Variants in KAZN observed in about 807,000 individuals in gnomAD.
KAZN encodes the protein kazrin, periplakin interacting protein, also known as kazrin.
A neutral mutation model predicts 87.4 loss-of-function variants in KAZN; 40 were observed. That is an observed-to-expected ratio of 0.46 (90% confidence interval 0.36 to 0.60). The LOEUF is 0.60. Among genes scored for constraint, KAZN ranks in the 20% least tolerant of loss-of-function variants. The probability of loss-of-function intolerance (pLI) is 0.00; values close to 1 mark genes in which losing one functional copy is unlikely to be tolerated. For synonymous variants in KAZN, 466 were observed against 458.3 expected (o/e 1.02, Z -0.22); for missense variants, 898 against 1,073.9 (o/e 0.84, Z 2.29).
At position 14,153,705 on chromosome 1, in the gene KAZN, G is replaced by T. The variant is rs979979353; in HGVS notation, c.92-26730G>T. 9.2e-5 allele frequency among the ~76,000 whole-genome samples: 14 copies of T among 151,396 alleles called. 1 individual carries two copies. Among genetic ancestry groups the T allele is most frequent in the Non-Finnish European group, 2.1e-4 (14 of 67,960 alleles). On this transcript the variant is annotated intron_variant, in intron 1 of 16. Coordinates refer to the KAZN transcript ENST00000636203. The stretch of plus-strand genomic sequence containing the variant: ...AGACGGGAGAATTGCTTGAACCTGG[G>T]AGGCGGAGGTTGCAGTGAGCTGAGA...
At chr1:14,278,190 A>AT (rs1652547094) in intron 2 of KAZN, among the ~76,000 whole-genome samples, 1 of 151,364 alleles carries the variant, frequency 6.6e-6, no homozygotes, top group African/African-American at 2.4e-5. Context: ...AAAAAAAAAA[A>AT]CAGAGATGCC....
At chr1:14,869,641 C>G (rs1305598021) in intron 1 of KAZN, among the ~76,000 whole-genome samples, 1 of 152,170 alleles carries the variant, frequency 6.6e-6, no homozygotes. Context: ...AATATTGATT[C>G]TGATTGGGTT....
intron 1 of KAZN, among the ~76,000 whole-genome samples, chr1:13,923,429 C>T (rs1362236541): frequency 5.3e-5 from 8 of 151,700 alleles, no homozygotes; most frequent in South Asian, 4.2e-4. Context: ...AAAAATTAGC[C>T]GGGCGTGGTG....
At chr1:14,784,904 G>A (rs994237933) in intron 1 of KAZN, among the ~76,000 whole-genome samples, 6 of 151,846 alleles carry the variant, frequency 4.0e-5, no homozygotes, top group Non-Finnish European at 8.8e-5. Context: ...CAGCAGCCCC[G>A]AATCGGAAAT....
At chr1:14,719,779 C>G (rs988941739) in intron 1 of KAZN, among the ~76,000 whole-genome samples, 1 of 152,088 alleles carries the variant, frequency 6.6e-6, no homozygotes, top group Non-Finnish European at 1.5e-5. Context: ...GTGGAGGTTG[C>G]GGTGAGCCAA....
chr1:13,893,046 T>A (rs1159543814), exon 1 of KAZN: 2 of 151,828 alleles, frequency 1.3e-5, no homozygotes, highest in Non-Finnish European at 1.5e-5. Flanking sequence ...CGCTCTCCCT[T>A]TGGCAGCAGC....
chr1:14,090,481 A>C (rs1339340833), intron 1 of KAZN, among the ~76,000 whole-genome samples: 1 of 151,916 alleles, frequency 6.6e-6, no homozygotes, highest in Non-Finnish European at 1.5e-5. Flanking sequence ...AGCTTGATTC[A>C]ATCTTTTTTA....
chr1:14,194,250 C>T (rs75130927), intron 2 of KAZN, among the ~76,000 whole-genome samples: 1,751 of 152,202 alleles, frequency 0.012, 34 homozygotes, highest in African/African-American at 0.04. Flanking sequence ...CAAGGCTTAC[C>T]AGCAGCTGTA....
chr1:13,951,623 GATAATAATAATAATAATA>G (rs6143132), intron 1 of KAZN, among the ~76,000 whole-genome samples: 5,492 of 148,430 alleles, frequency 0.037, 294 homozygotes, highest in African/African-American at 0.13. Flanking sequence ...CTAAAATGGA[GATAATAATAATAATAATA>G]ATAATAATAA....
chr1:14,727,697 C>T (rs1643466131), intron 1 of KAZN, among the ~76,000 whole-genome samples: 1 of 151,542 alleles, frequency 6.6e-6, no homozygotes, highest in African/African-American at 2.4e-5. Context: ...AACTCCCGAC[C>T]TGAGGTAATC....
At chr1:14,402,955 G>A (rs1182870865) in intron 2 of KAZN, among the ~76,000 whole-genome samples, 2 of 151,974 alleles carry the variant, frequency 1.3e-5, no homozygotes, top group Non-Finnish European at 2.9e-5. Flanking sequence ...AGACTCCCAA[G>A]TAACTGAAAT....
chr1:14,681,609 ATGTG>A (rs565221895), intron 1 of KAZN, among the ~76,000 whole-genome samples: 2 of 67,408 alleles, frequency 3.0e-5, no homozygotes, highest in Non-Finnish European at 5.2e-5. Context: ...ATATATGTAT[ATGTG>A]TATATATATA....
chr1:14,754,931 G>A (rs1246202325), intron 1 of KAZN, among the ~76,000 whole-genome samples: 1 of 151,896 alleles, frequency 6.6e-6, no homozygotes, highest in Non-Finnish European at 1.5e-5. Context: ...TTTCCGGATT[G>A]AAAAAATTAA....
At chr1:14,970,182 A>T (rs2101830692) in intron 2 of KAZN, among the ~76,000 whole-genome samples, 1 of 152,326 alleles carries the variant, frequency 6.6e-6, no homozygotes, top group Admixed American at 6.5e-5. Context: ...AGGTTTACAG[A>T]AAAGTTTCTA....
chr1:14,378,313 AAAAGT>A (rs59898497), intron 2 of KAZN, among the ~76,000 whole-genome samples: 40,952 of 151,460 alleles, frequency 0.27, 6,400 homozygotes, highest in Non-Finnish European at 0.37. Context: ...CCTTTAAAAG[AAAAGT>A]AAACGGGAGG....
intron 6 of KAZN, chr1:15,061,291 C>T (rs1431532441): frequency 6.6e-6 from 1 of 152,150 alleles, no homozygotes; most frequent in Non-Finnish European, 1.5e-5. Flanking sequence ...CAATCACTTT[C>T]CTATAGATGA....
At chr1:14,743,451 C>T (rs1557444733) in intron 1 of KAZN, among the ~76,000 whole-genome samples, 1 of 150,664 alleles carries the variant, frequency 6.6e-6, no homozygotes, top group South Asian at 2.1e-4. Context: ...AAAGTACATA[C>T]AATGCAGATA....
At chr1:15,100,840 C>T (rs1308079364) in intron 10 of KAZN, among the ~76,000 whole-genome samples, 1 of 152,204 alleles carries the variant, frequency 6.6e-6, no homozygotes, top group Non-Finnish European at 1.5e-5. Context: ...ATGATTAGGA[C>T]CTGCCTGGCA....
intron 2 of KAZN, among the ~76,000 whole-genome samples, chr1:14,516,163 T>C (rs996352782): frequency 6.6e-6 from 1 of 152,170 alleles, no homozygotes; most frequent in African/African-American, 2.4e-5. Context: ...GATTTAGTCT[T>C]TCTGTCTGCT....
Sources: allele counts gnomAD v4.1 joint callset (sites outside exome capture counted in the v4.1 genomes callset), GRCh38; gene constraint gnomAD v4.1.1; transcripts MANE v1.5; gene names NCBI Gene and HGNC (gene_info 2026-07-23, HGNC 2026-07-21).